The following NPAS1 variants were observed in gnomAD, a reference collection of about 807,000 sequenced individuals.
NPAS1 encodes neuronal PAS domain-containing protein 1.
In NPAS1, 29 loss-of-function variants were observed where a neutral mutation model predicts 49.2. That is an observed-to-expected ratio of 0.59 (90% CI 0.44 to 0.80). NPAS1 has a LOEUF of 0.80. Ranked by LOEUF, NPAS1 falls within the 30% of genes least tolerant of loss-of-function variation. The pLI, the probability that NPAS1 is intolerant of heterozygous loss-of-function variation, is 0.00. For synonymous variants in NPAS1, 408 were observed against 380.4 expected (o/e 1.07, Z -0.84); for missense variants, 825 against 835.5 (o/e 0.99, Z 0.15).
chr19:47,040,440 C>T lies in NPAS1; in HGVS notation c.963-4C>T, dbSNP rs759169112. 1.1e-5 allele frequency: 18 copies of T among 1,581,318 alleles called. 1 individual carries two copies. The highest frequency in any genetic ancestry group is 9.2e-5 in the East Asian group (4 of 43,454). On this transcript the variant is annotated splice_polypyrimidine_tract_variant and splice_region_variant and intron_variant, in intron 8 of 11. Transcript: ENST00000602212. Reference sequence around the variant, plus strand: ...CTCCTCCCCTCTTCTCTGTCACCCCCCAGAGTCAGCGACCACATGGACCTG... The same window carrying T: ...CTCCTCCCCTCTTCTCTGTCACCCCTCAGAGTCAGCGACCACATGGACCTG...
At chr19:47,029,282 C>T (rs1452904275) in intron 3 of NPAS1, among the ~76,000 whole-genome samples, 1 of 152,082 alleles carries the variant, frequency 6.6e-6, no homozygotes, top group African/African-American at 2.4e-5. Context: ...CAGGGTTTCA[C>T]TATGTTGGCC....
intron 6 of NPAS1, 138 bp from the exon 7 acceptor site, chr19:47,038,898 A>G: frequency 1.5e-6 from 1 of 685,852 alleles, no homozygotes; most frequent in Non-Finnish European, 2.6e-6. Context: ...AGCTTTCAAA[A>G]TCATCAGGCA....
Position 47,032,366 on chromosome 19 carries a change from T to G in NPAS1, c.432+15T>G. 6.2e-7 allele frequency: 1 copy of G among 1,613,332 alleles called. No homozygotes were observed. Among genetic ancestry groups the G allele is most frequent in the East Asian group, 2.2e-5 (1 of 44,876 alleles). ...ACATCTTGCAGGTGAGTGAGGCCCC[T>G]TCCCTGCCTGCCGCTCCTTGCTACC... is the stretch of plus-strand genomic sequence containing the variant. On this transcript the variant is annotated intron_variant, in intron 4 of 11. Coordinates refer to ENST00000602212, the MANE Select transcript of NPAS1 (RefSeq NM_002517.4).
rs945821035 is a variant in NPAS1, at chr19:47,021,356, G to A, written c.122+187G>A. Among the ~76,000 whole-genome samples, 1 of 152,224 alleles carries A rather than the reference G, an allele frequency of 6.6e-6. No individual in the cohort carries two copies. The highest frequency in any genetic ancestry group is 1.5e-5 in the Non-Finnish European group (1 of 68,040). ...CCCCTGCGTTCTGCTTCTAGTCCCG[G>A]TCCTCAGAATTCACGCCCAACATCT... On this transcript the variant is annotated intron_variant, in intron 2 of 11. Coordinates refer to ENST00000602212, the MANE Select transcript of NPAS1 (RefSeq NM_002517.4). This position sits in a 1 kb window ranked among gnomAD's most constrained non-coding sequence, Gnocchi z 5.7.
chr19:47,023,587 G>C (rs1218211945), intron 3 of NPAS1, among the ~76,000 whole-genome samples: 3 of 152,136 alleles, frequency 2.0e-5, no homozygotes, highest in African/African-American at 7.2e-5. Context: ...GCTGAGGACA[G>C]CATTTTAGCT....
At chr19:47,025,898 G>A (rs1289403680) in intron 3 of NPAS1, among the ~76,000 whole-genome samples, 1 of 151,768 alleles carries the variant, frequency 6.6e-6, no homozygotes, top group Non-Finnish European at 1.5e-5. Flanking sequence ...TTAGCTCATA[G>A]GTCAGGCACA....
intron 6 of NPAS1, among the ~76,000 whole-genome samples, chr19:47,038,024 A>G (rs1338926868): frequency 6.6e-6 from 1 of 152,198 alleles, no homozygotes; most frequent in African/African-American, 2.4e-5. Flanking sequence ...GTGGCAACCC[A>G]GATGGGGCAG....
At chr19:47,036,239 G>C (rs1232742580) in intron 6 of NPAS1, 110 bp downstream of exon 6, 1 of 1,155,162 alleles carries the variant, frequency 8.7e-7, no homozygotes, top group African/African-American at 1.5e-5. Context: ...AGTTAGAACT[G>C]TGTAGAACGA....
At position 47,032,369 on chromosome 19, in the gene NPAS1, C is replaced by A; in HGVS notation, c.432+18C>A. ...TCTTGCAGGTGAGTGAGGCCCCTTC[C>A]CTGCCTGCCGCTCCTTGCTACCACC... On this transcript the variant is annotated intron_variant, in intron 4 of 11. Coordinates refer to ENST00000602212, the MANE Select transcript of NPAS1 (RefSeq NM_002517.4). The A allele has an allele frequency of 6.2e-7, 1 of 1,613,150 alleles. No homozygotes were observed. Among genetic ancestry groups the A allele is most frequent in the Non-Finnish European group, 8.5e-7 (1 of 1,179,352 alleles).
chr19:47,027,929 G>A (rs115204863), intron 3 of NPAS1, among the ~76,000 whole-genome samples: 2 of 152,284 alleles, frequency 1.3e-5, no homozygotes, highest in African/African-American at 4.8e-5. Context: ...GGGAGAGGGA[G>A]AGGAGGAAAC....
In NPAS1 at chr19:47,045,544, CT is replaced by C; in HGVS notation, c.1667del (p.Leu556ArgfsTer?). The part of the protein sequence containing the change: ...PAELGLVYPH[L>X]QRLGPGPALP... Reference sequence around the variant, plus strand: ...GGAGCTGGGCCTGGTGTACCCGCACCTGCAGAGGCTGGGTCCGGGCCCCGCG... The same window carrying C: ...GGAGCTGGGCCTGGTGTACCCGCACCGCAGAGGCTGGGTCCGGGCCCCGCG... On this transcript the variant is annotated frameshift_variant, in exon 12 of 12. Transcript: ENST00000602212. LOFTEE classifies it high-confidence loss of function. 6.6e-7 allele frequency: 1 copy of C among 1,525,986 alleles called. No homozygotes were observed. Among genetic ancestry groups the C allele is most frequent in the Non-Finnish European group, 8.7e-7 (1 of 1,143,468 alleles). 94.5% of individuals were successfully genotyped at this position (1,525,986 alleles called of 1,614,324 possible). A position where few individuals can be genotyped will look rare whatever the true frequency, so the allele number is the denominator to read the frequency against.
intron 9 of NPAS1, 113 bp from the exon 10 acceptor site, chr19:47,040,865 C>A: frequency 1.1e-6 from 1 of 883,500 alleles, no homozygotes; most frequent in Non-Finnish European, 1.7e-6. Context: ...CCCACCGTCT[C>A]CCTGCCCACT....
intron 3 of NPAS1, among the ~76,000 whole-genome samples, chr19:47,031,012 C>A (rs993258157): frequency 6.6e-6 from 1 of 151,986 alleles, no homozygotes; most frequent in Non-Finnish European, 1.5e-5. Context: ...TCCTTTATAT[C>A]CCTCTGTCTC....
intron 3 of NPAS1, among the ~76,000 whole-genome samples, chr19:47,032,031 G>A (rs565399067): frequency 6.6e-6 from 1 of 152,016 alleles, no homozygotes; most frequent in Non-Finnish European, 1.5e-5. Flanking sequence ...GAGTGAATGG[G>A]TGGATGAATG....
At position 47,021,068 on chromosome 19, in the gene NPAS1, CA is replaced by C; in HGVS notation, c.22del (p.Ser8ValfsTer25). On this transcript the variant is annotated frameshift_variant, in exon 2 of 12. Coordinates refer to ENST00000602212, the MANE Select transcript of NPAS1 (RefSeq NM_002517.4). LOFTEE classifies it high-confidence loss of function. This position sits in a 1 kb window ranked among gnomAD's most constrained non-coding sequence, Gnocchi z 5.7. MAAPYPG[S>X]GGGSEVKCVG... ...CGGAGATGGCGGCCCCCTATCCCGG[CA>C]GTGGCGGCGGAAGCGAGGTCAAATG... 3 of 1,606,578 alleles carry C rather than the reference CA, an allele frequency of 1.9e-6. No individual in the cohort carries two copies. The highest frequency in any genetic ancestry group is 2.5e-6 in the Non-Finnish European group (3 of 1,177,474).
chr19:47,044,386 C>CAA (rs77699035), intron 11 of NPAS1, among the ~76,000 whole-genome samples: 76,838 of 151,874 alleles, frequency 0.51, 21,624 homozygotes, highest in East Asian at 0.7. Context: ...CAAAACAAAA[C>CAA]AAAAAACACT....
chr19:47,021,521 C>T lies in NPAS1; in HGVS notation c.123-91C>T. 1.1e-6 allele frequency: 1 copy of T among 874,526 alleles called. No individual in the cohort carries two copies. The highest frequency in any genetic ancestry group is 1.7e-6 in the Non-Finnish European group (1 of 605,590). The allele number at this position is 874,526 out of a possible 1,614,324, so 54.2% of individuals were successfully genotyped here. ...TCCACTCCCAACGTCCCGTCCCGTT[C>T]CCAAGGCCCCGGGAGGCGGGGCTCG... On this transcript the variant is annotated intron_variant, in intron 2 of 11. Coordinates refer to ENST00000602212, the MANE Select transcript of NPAS1 (RefSeq NM_002517.4). The surrounding 1 kb of genome is among the most constrained non-coding windows in gnomAD (Gnocchi z 5.7).
chr19:47,041,944 C>T (rs2057025521), intron 10 of NPAS1, among the ~76,000 whole-genome samples: 1 of 144,396 alleles, frequency 6.9e-6, no homozygotes, highest in Non-Finnish European at 1.5e-5. Context: ...CGTGCCACTG[C>T]TCTCCAGCCT....
intron 3 of NPAS1, among the ~76,000 whole-genome samples, chr19:47,023,067 G>A (rs2056851315): frequency 6.6e-6 from 1 of 152,220 alleles, no homozygotes. Flanking sequence ...CAGGGGAAGA[G>A]GGGGGAGAGA....
Sources: gnomAD v4.1 joint callset for allele counts (sites outside exome capture counted in the v4.1 genomes callset) on GRCh38, gnomAD v4.1.1 for gene constraint, Gnocchi (gnomAD v3.1) non-coding constraint, MANE v1.5 for transcripts, NCBI Gene and HGNC (gene_info 2026-07-23, HGNC 2026-07-21) for gene names.